The following PPP2R2B variants were observed in gnomAD, a reference collection of about 807,000 sequenced individuals.
The protein encoded by PPP2R2B is protein phosphatase 2 regulatory subunit Bbeta.
PPP2R2B carries 5 observed loss-of-function variants against 46.0 expected under a neutral mutation model. The observed-to-expected ratio is 0.11, with a 90% confidence interval of 0.06 to 0.23. The LOEUF (loss-of-function observed/expected upper bound fraction) is 0.23, where lower values mean the gene tolerates loss of function less well. Among genes scored for constraint, PPP2R2B ranks in the 10% least tolerant of loss-of-function variants. PPP2R2B has a pLI of 1.00. For synonymous variants in PPP2R2B, 215 were observed against 206.7 expected (o/e 1.04, Z -0.34); for missense variants, 367 against 575.0 (o/e 0.64, Z 3.70).
chr5:146,588,582 A>C lies in PPP2R2B; in HGVS notation c.*1365T>G, dbSNP rs191105599. The C allele has an allele frequency of 1.2e-3, 185 of 152,284 alleles. No individual in the cohort carries two copies. Among genetic ancestry groups the C allele is most frequent in the African/African-American group, 4.3e-3 (180 of 41,546 alleles). 9.4% of individuals were successfully genotyped at this position (152,284 alleles called of 1,614,324 possible). Reference sequence around the variant, plus strand: ...TGGACTCCACCCATCTACTTTCCTAAGTTTATAAATCCTTTGCATGCATTT... The same window carrying C: ...TGGACTCCACCCATCTACTTTCCTACGTTTATAAATCCTTTGCATGCATTT... On this transcript the variant is annotated 3_prime_UTR_variant, in exon 10 of 10. Transcript: ENST00000394411.
chr5:146,715,758 T>G (rs1013098708), intron 2 of PPP2R2B, among the ~76,000 whole-genome samples: 1 of 152,158 alleles, frequency 6.6e-6, no homozygotes, highest in African/African-American at 2.4e-5. Flanking sequence ...GTGGGCTGCT[T>G]CTTTTCCCTC....
At chr5:146,707,468 C>T in intron 2 of PPP2R2B, 2 of 752,940 alleles carry the variant, frequency 2.7e-6, no homozygotes, top group Non-Finnish European at 4.9e-6. Context: ...ACCCCGGAAG[C>T]TGCTGCTGCC....
At chr5:146,888,311 A>G (rs151135178) in intron 1 of PPP2R2B, among the ~76,000 whole-genome samples, 56 of 152,150 alleles carry the variant, frequency 3.7e-4, no homozygotes, top group African/African-American at 1.3e-3. Context: ...TCTGCCCCAC[A>G]ATACCCTGCC....
intron 1 of PPP2R2B, among the ~76,000 whole-genome samples, chr5:146,896,402 A>G (rs1227278884): frequency 1.3e-5 from 2 of 152,184 alleles, no homozygotes; most frequent in Non-Finnish European, 2.9e-5. Context: ...GCTCAAACCC[A>G]CTGTTACTTG....
intron 1 of PPP2R2B, among the ~76,000 whole-genome samples, chr5:146,908,075 A>G (rs1243451470): frequency 6.6e-6 from 1 of 152,210 alleles, no homozygotes; most frequent in African/African-American, 2.4e-5. Context: ...TGTCTTCTAA[A>G]TCAAACTACA....
chr5:147,026,605 A>G (rs1383579733), intron 1 of PPP2R2B, among the ~76,000 whole-genome samples: 3 of 152,206 alleles, frequency 2.0e-5, no homozygotes, highest in East Asian at 3.8e-4. Context: ...TAGGCCAACT[A>G]TACCTCAACA....
rs372171957 is a variant in PPP2R2B, at chr5:146,970,978, T to G, written c.79+84687A>C. Among the ~76,000 whole-genome samples the G allele has an allele frequency of 4.8e-4, 73 of 152,330 alleles. No homozygotes were observed. The South Asian group carries it at 0.015, about 31-fold the overall frequency. ...TCCCTTCAGACTTTTGATCTATGCA[T>G]AGAAAAACAGAGATCCCTTCGAAAC... On this transcript the variant is annotated intron_variant, in intron 1 of 8. Coordinates refer to the PPP2R2B transcript ENST00000336640.
intron 2 of PPP2R2B, among the ~76,000 whole-genome samples, chr5:146,725,648 C>T (rs1320435504): frequency 1.3e-5 from 2 of 152,144 alleles, no homozygotes; most frequent in African/African-American, 2.4e-5. Context: ...TCTTCAAACC[C>T]ACAATATGGC....
chr5:146,750,901 G>C (rs1051015057), intron 2 of PPP2R2B, among the ~76,000 whole-genome samples: 2 of 152,152 alleles, frequency 1.3e-5, no homozygotes, highest in Non-Finnish European at 2.9e-5. Flanking sequence ...AGACAACAAA[G>C]AAGGTCCCCA....
chr5:147,043,274 C>T (rs896256184), intron 1 of PPP2R2B, among the ~76,000 whole-genome samples: 11 of 151,918 alleles, frequency 7.2e-5, no homozygotes, highest in Non-Finnish European at 1.0e-4. Context: ...TAGTTTGAAG[C>T]CCCAACCCCC....
chr5:147,065,259 G>T (rs1757385330), intron 2 of PPP2R2B, among the ~76,000 whole-genome samples: 1 of 152,216 alleles, frequency 6.6e-6, no homozygotes, highest in Non-Finnish European at 1.5e-5. Flanking sequence ...GGCTTACTTG[G>T]GAAAATGAAA....
intron 1 of PPP2R2B, among the ~76,000 whole-genome samples, chr5:146,933,740 G>T (rs573603758): frequency 6.7e-6 from 1 of 148,880 alleles, no homozygotes; most frequent in African/African-American, 2.5e-5. Flanking sequence ...GTGCAGGTTC[G>T]TTACATATGT....
At chr5:146,736,115 G>T (rs899577325) in intron 2 of PPP2R2B, among the ~76,000 whole-genome samples, 1 of 152,094 alleles carries the variant, frequency 6.6e-6, no homozygotes, top group African/African-American at 2.4e-5. Flanking sequence ...GAGATCTGAT[G>T]GTTTCATAAG....
At chr5:146,982,654 T>C (rs554661790) in intron 1 of PPP2R2B, among the ~76,000 whole-genome samples, 1 of 152,326 alleles carries the variant, frequency 6.6e-6, no homozygotes, top group Middle Eastern at 3.4e-3. Context: ...ACTATAATTA[T>C]AGATTTGTCT....
intron 1 of PPP2R2B, among the ~76,000 whole-genome samples, chr5:147,014,394 C>T (rs1020666547): frequency 1.3e-5 from 2 of 149,080 alleles, no homozygotes; most frequent in African/African-American, 4.9e-5. Context: ...GGGTATATAC[C>T]CAAATGACTA....
At chr5:146,595,967 G>C (rs1771128099) in intron 8 of PPP2R2B, among the ~76,000 whole-genome samples, 1 of 152,172 alleles carries the variant, frequency 6.6e-6, no homozygotes, top group Non-Finnish European at 1.5e-5. Flanking sequence ...GGCAAACAAA[G>C]AGCCAACTCT....
At chr5:146,988,694 AT>A (rs1314718658) in intron 1 of PPP2R2B, among the ~76,000 whole-genome samples, 4 of 151,906 alleles carry the variant, frequency 2.6e-5, no homozygotes, top group African/African-American at 9.7e-5. Flanking sequence ...ACCTAACATT[AT>A]ACCTCAAGGA....
chr5:147,064,769 C>G (rs1303377848), intron 2 of PPP2R2B, among the ~76,000 whole-genome samples: 1 of 152,126 alleles, frequency 6.6e-6, no homozygotes. Context: ...TTTAGGCATC[C>G]ACTGATACCA....
At chr5:146,893,783 A>G (rs1048917091) in intron 1 of PPP2R2B, among the ~76,000 whole-genome samples, 6 of 151,980 alleles carry the variant, frequency 3.9e-5, no homozygotes, top group Non-Finnish European at 7.4e-5. Flanking sequence ...AAAACTTAGA[A>G]GACAGGTTGA....
Sources: gnomAD v4.1 joint callset for allele counts (sites outside exome capture counted in the v4.1 genomes callset) on GRCh38, gnomAD v4.1.1 for gene constraint, MANE v1.5 for transcripts, NCBI Gene and HGNC (gene_info 2026-07-23, HGNC 2026-07-21) for gene names.